ACLY: variants seen among roughly 807,000 people sequenced by gnomAD.
ACLY encodes the protein ATP-citrate synthase.
ACLY carries 41 observed loss-of-function variants against 133.0 expected under a neutral mutation model. That is an observed-to-expected ratio of 0.31 (90% confidence interval 0.24 to 0.40). The LOEUF (loss-of-function observed/expected upper bound fraction) is 0.40, where lower values mean the gene tolerates loss of function less well. ACLY is among the 10% of genes least tolerant of loss of function. The pLI, the probability that ACLY is intolerant of heterozygous loss-of-function variation, is 1.00. For missense variants in ACLY, 1,046 were observed against 1,453.8 expected (o/e 0.72, Z 4.56); for synonymous variants, 495 against 549.3 (o/e 0.90, Z 1.38).
intron 1 of ACLY, among the ~76,000 whole-genome samples, chr17:41,918,028 G>T (rs1213233220): frequency 2.6e-5 from 4 of 152,198 alleles, no homozygotes; most frequent in African/African-American, 9.6e-5. Flanking sequence ...AGACCTCCAG[G>T]GACCCCATAA....
At chr17:41,923,657 C>T (rs1439257342), upstream of ACLY, among the ~76,000 whole-genome samples, 1 of 152,042 alleles carries the variant, frequency 6.6e-6, no homozygotes, top group Non-Finnish European at 1.5e-5. Flanking sequence ...GGACTGGACA[C>T]ATATTAAGCA....
chr17:41,906,544 C>A lies in ACLY; in HGVS notation c.850G>T (p.Ala284Ser), dbSNP rs782009822. 3.7e-6 allele frequency: 6 copies of A among 1,613,976 alleles called. No individual in the cohort carries two copies. The African/African-American group carries it at 4.0e-5, about 11-fold the overall frequency. Reference protein sequence around the residue: ...RIWTMVAGGGASVVYSDTICD... With the variant: ...RIWTMVAGGGSSVVYSDTICD... ...TTCGGTCACCTGTACACGACAGAGG[C>A]GCCACCCCCGGCCACCATGGTCCAG... The change falls in exon 8 of 29, where the codon GCC (alanine) becomes TCC (serine). Residue 284 changes from alanine (A) to serine (S), a missense_variant. By Grantham distance (99) the Ala-to-Ser change is moderately conservative (BLOSUM62 1). Coordinates refer to ENST00000352035, the MANE Select transcript of ACLY (RefSeq NM_001096.3).
intron 25 of ACLY, among the ~76,000 whole-genome samples, chr17:41,871,424 C>T (rs1247159005): frequency 6.6e-6 from 1 of 150,904 alleles, no homozygotes; most frequent in South Asian, 2.1e-4. Flanking sequence ...ACAATCTCGG[C>T]TCACCACAAC....
At chr17:41,926,466 T>C (rs2050244771) in intron 1 of ACLY, among the ~76,000 whole-genome samples, 1 of 152,226 alleles carries the variant, frequency 6.6e-6, no homozygotes. Context: ...GCACACATTA[T>C]GATTGGTATT....
chr17:41,901,018 G>C (rs1248629866), intron 11 of ACLY, among the ~76,000 whole-genome samples: 2 of 151,590 alleles, frequency 1.3e-5, no homozygotes, highest in African/African-American at 4.8e-5. Context: ...GCAGTGGCAT[G>C]ATCACGGCTC....
At chr17:41,912,111 C>CAA (rs1338754693) in intron 3 of ACLY, among the ~76,000 whole-genome samples, 11 of 68,250 alleles carry the variant, frequency 1.6e-4, no homozygotes, top group Non-Finnish European at 2.2e-4. Flanking sequence ...AAGACCCTGT[C>CAA]AAAAAAAAAA....
chr17:41,907,676 G>C, intron 6 of ACLY, 104 bp from the exon 7 acceptor site: 1 of 1,326,202 alleles, frequency 7.5e-7, no homozygotes, highest in South Asian at 1.3e-5. Flanking sequence ...GCCCATTCAG[G>C]CCTCAGAACT....
intron 22 of ACLY, among the ~76,000 whole-genome samples, chr17:41,876,257 C>T (rs1467090667): frequency 2.7e-5 from 4 of 150,202 alleles, no homozygotes; most frequent in East Asian, 4.1e-4. Context: ...GTCAGCCCCC[C>T]GCCCGGCCAG....
Position 41,883,152 on chromosome 17 carries a change from G to T in ACLY, c.2235C>A (p.Ile745=), listed in dbSNP as rs782425665. ...RLTKPIVCWC[I]GTCATMFSSE... The stretch of plus-strand genomic sequence containing the variant: ...AGGAGAACATGGTGGCACACGTCCC[G>T]ATGCACCAGCAGACGATGGGCTTAG... The change falls in exon 20 of 29, where the codon ATC becomes ATA. Residue 745 remains isoleucine, a synonymous_variant. Transcript: ENST00000352035. The T allele has an allele frequency of 8.1e-6, 13 of 1,613,842 alleles. No individual in the cohort carries two copies. The highest frequency in any genetic ancestry group is 1.1e-5 in the Non-Finnish European group (13 of 1,180,016).
At position 41,868,805 on chromosome 17, in the gene ACLY, G is replaced by A. The variant is rs2048529282; in HGVS notation, c.3135-20C>T. 6.2e-7 allele frequency: 1 copy of A among 1,612,724 alleles called. No individual in the cohort carries two copies. Among genetic ancestry groups the A allele is most frequent in the Non-Finnish European group, 8.5e-7 (1 of 1,179,154 alleles). On this transcript the variant is annotated intron_variant, in intron 27 of 28. Transcript: ENST00000352035. The stretch of plus-strand genomic sequence containing the variant: ...TCCTCCCTGCAACACACATCAACTT[G>A]TAGTTTTAAAAGGCTCACGTGACTG...
At chr17:41,927,929 G>A (rs1294940591) in intron 1 of ACLY, among the ~76,000 whole-genome samples, 1 of 151,980 alleles carries the variant, frequency 6.6e-6, no homozygotes, top group Non-Finnish European at 1.5e-5. Context: ...TTGAGTTCAG[G>A]AGTTCAAAAC....
At chr17:41,903,815 G>A (rs1175433075) in intron 10 of ACLY, among the ~76,000 whole-genome samples, 1 of 147,636 alleles carries the variant, frequency 6.8e-6, no homozygotes, top group Non-Finnish European at 1.5e-5. Flanking sequence ...AGTCTCACGA[G>A]AGTGTTGAAA....
In ACLY at chr17:41,867,609, TA is replaced by T. The variant is rs1376116210; in HGVS notation, c.*200del. The stretch of plus-strand genomic sequence containing the variant: ...GGCTTGGTTTTTATTTCTATGCTTA[TA>T]AAAAAAATATGAAGCTTCTTTGTGT... On this transcript the variant is annotated 3_prime_UTR_variant, in exon 29 of 29. Coordinates refer to ENST00000352035, the MANE Select transcript of ACLY (RefSeq NM_001096.3). The T allele has an allele frequency of 2.9e-4, 113 of 389,684 alleles. No individual in the cohort carries two copies. Among genetic ancestry groups the T allele is most frequent in the Middle Eastern group, 6.5e-4 (1 of 1,536 alleles). The allele number at this position is 389,684 out of a possible 1,614,324, so 24.1% of individuals were successfully genotyped here.
intron 18 of ACLY, 103 bp downstream of exon 18, chr17:41,886,009 G>C (rs2049038006): frequency 3.6e-6 from 4 of 1,111,446 alleles, no homozygotes; most frequent in African/African-American, 1.5e-5. Flanking sequence ...ATTCCTGCGG[G>C]CCTGGAACTC....
chr17:41,920,120 C>T (rs1374894022), upstream of ACLY, among the ~76,000 whole-genome samples: 6 of 152,332 alleles, frequency 3.9e-5, no homozygotes, highest in Middle Eastern at 0.014. Context: ...AACAGTGTTG[C>T]GACATTTGCA....
At chr17:41,925,339 G>C (rs1331139770) in intron 1 of ACLY, among the ~76,000 whole-genome samples, 4 of 150,498 alleles carry the variant, frequency 2.7e-5, no homozygotes, top group Non-Finnish European at 4.4e-5. Flanking sequence ...GTTCATGCCT[G>C]TAATTCCAGC....
chr17:41,898,238 G>A (rs2049428699), intron 12 of ACLY, among the ~76,000 whole-genome samples: 1 of 152,074 alleles, frequency 6.6e-6, no homozygotes, highest in South Asian at 2.1e-4. Flanking sequence ...TGAGCCTCCC[G>A]AGTAGCTGGG....
chr17:41,876,125 C>T (rs1555626092), intron 22 of ACLY, among the ~76,000 whole-genome samples: 3 of 151,102 alleles, frequency 2.0e-5, no homozygotes, highest in Non-Finnish European at 4.4e-5. Flanking sequence ...AAGTGAGGAG[C>T]CCCTCCGCCC....
At chr17:41,897,899 T>C in intron 12 of ACLY, 60 bp from the exon 13 acceptor site, 1 of 1,493,502 alleles carries the variant, frequency 6.7e-7, no homozygotes, top group South Asian at 1.2e-5. Context: ...AAAAAGCCAC[T>C]GGTCCTTAAA....
Sources: allele counts gnomAD v4.1 joint callset (sites outside exome capture counted in the v4.1 genomes callset), GRCh38; gene constraint gnomAD v4.1.1; transcripts MANE v1.5; gene names NCBI Gene and HGNC (gene_info 2026-07-23, HGNC 2026-07-21).